ENOX1: variants seen among roughly 807,000 people sequenced by gnomAD.
ENOX1 encodes the protein candidate growth-related and time keeping constitutive hydroquinone (NADH) oxidase.
Under a neutral mutation model 82.5 loss-of-function variants are expected in ENOX1, and 42 were observed. The observed-to-expected ratio is 0.51, with a 90% CI of 0.40 to 0.66. The LOEUF (loss-of-function observed/expected upper bound fraction) is 0.66. Among genes scored for constraint, ENOX1 ranks in the 30% least tolerant of loss-of-function variants. ENOX1 has a pLI of 0.00. For synonymous variants in ENOX1, 271 were observed against 282.2 expected (o/e 0.96, Z 0.40); for missense variants, 608 against 811.6 (o/e 0.75, Z 3.05).
At chr13:43,601,537 G>T (rs1379872796) in intron 2 of ENOX1, among the ~76,000 whole-genome samples, 2 of 151,952 alleles carry the variant, frequency 1.3e-5, no homozygotes, top group Non-Finnish European at 2.9e-5. Flanking sequence ...ATGCCTACAA[G>T]GTCTGGAAAA....
chr13:43,295,945 C>G (rs1208167890), intron 12 of ENOX1, among the ~76,000 whole-genome samples: 1 of 152,116 alleles, frequency 6.6e-6, no homozygotes, highest in Non-Finnish European at 1.5e-5. Context: ...GGACCCAGTG[C>G]TTTCTGTAGG....
chr13:43,451,500 A>G (rs961961203), intron 3 of ENOX1, among the ~76,000 whole-genome samples: 8 of 152,234 alleles, frequency 5.3e-5, no homozygotes, highest in African/African-American at 1.4e-4. Context: ...TGACTTATGG[A>G]AAGAAGAGAA....
intron 3 of ENOX1, among the ~76,000 whole-genome samples, chr13:43,434,937 GTTTTTTTTTTT>G (rs537775258): frequency 2.6e-5 from 2 of 75,910 alleles, no homozygotes; most frequent in Non-Finnish European, 4.9e-5. Context: ...TGTGTGTGTG[GTTTTTTTTTTT>G]TTTTTTTTTT....
Position 43,695,442 on chromosome 13 carries a change from ATTTTTTTTTTT to A in ENOX1, c.-284-27909_-284-27899del, listed in dbSNP as rs146985894. On this transcript the variant is annotated intron_variant, in intron 1 of 16. Transcript: ENST00000690772. ...CTCCTTTTACTTTTAAAAAAATCTA[ATTTTTTTTTTT>A]TTTTTTTTTTTGGAGACAGAGTCTT... Among the ~76,000 whole-genome samples, 8 of 94,666 alleles carry A rather than the reference ATTTTTTTTTTT, an allele frequency of 8.5e-5. No individual in the cohort carries two copies. In the South Asian group the frequency reaches 2.4e-3, roughly 28 times the overall value. The allele number at this position is 94,666 out of a possible 152,430, so 62.1% of individuals were successfully genotyped here. A position where few individuals can be genotyped will look rare whatever the true frequency, so the allele number is the denominator to read the frequency against.
Position 43,504,295 on chromosome 13 carries a change from G to C in ENOX1, c.-218-20143C>G, listed in dbSNP as rs537461747. Among the ~76,000 whole-genome samples the C allele has an allele frequency of 2.0e-5, 3 of 151,736 alleles. No individual in the cohort carries two copies. The South Asian group carries it at 6.2e-4, about 31-fold the overall frequency. On this transcript the variant is annotated intron_variant, in intron 2 of 16. Transcript: ENST00000690772. ...CCTTAAAGAATCAGAACTACCACTG[G>C]ATAGTAGAAATCCCACTTCTGAGTA... is the stretch of plus-strand genomic sequence containing the variant.
chr13:43,534,760 C>T (rs2078378645), intron 2 of ENOX1, among the ~76,000 whole-genome samples: 1 of 152,148 alleles, frequency 6.6e-6, no homozygotes, highest in Non-Finnish European at 1.5e-5. Context: ...TTGGCTATCA[C>T]AATGGGGCTG....
intron 3 of ENOX1, among the ~76,000 whole-genome samples, chr13:43,459,864 C>T (rs965683323): frequency 3.3e-5 from 5 of 151,994 alleles, no homozygotes; most frequent in African/African-American, 4.8e-5. Flanking sequence ...TGTGGTGGCA[C>T]GCGCCTGTAG....
chr13:43,485,252 C>T (rs2076373898), intron 2 of ENOX1, among the ~76,000 whole-genome samples: 1 of 152,128 alleles, frequency 6.6e-6, no homozygotes, highest in African/African-American at 2.4e-5. Flanking sequence ...CTGCAACTTA[C>T]CCACCACCAG....
At chr13:43,344,456 A>AC in intron 9 of ENOX1, 82 bp downstream of exon 9, 1 of 1,121,452 alleles carries the variant, frequency 8.9e-7, no homozygotes, top group Non-Finnish European at 1.3e-6. Flanking sequence ...TGAACTACTT[A>AC]CCCCCAAATG....
At chr13:43,551,700 GATGGCAA>G (rs1438820300) in intron 2 of ENOX1, among the ~76,000 whole-genome samples, 1 of 152,090 alleles carries the variant, frequency 6.6e-6, no homozygotes, top group African/African-American at 2.4e-5. Context: ...ACCCGATCAT[GATGGCAA>G]AATTGCCCAC....
At chr13:43,586,640 T>A (rs768871424) in intron 2 of ENOX1, among the ~76,000 whole-genome samples, 1 of 152,216 alleles carries the variant, frequency 6.6e-6, no homozygotes, top group Non-Finnish European at 1.5e-5. Flanking sequence ...CCTTCTTTCC[T>A]GCCACATTAG....
chr13:43,774,279 T>C (rs1187843441), intron 1 of ENOX1, among the ~76,000 whole-genome samples: 1 of 152,196 alleles, frequency 6.6e-6, no homozygotes, highest in Non-Finnish European at 1.5e-5. Context: ...CAGGAGAAAC[T>C]GTTAGCTACT....
chr13:43,541,173 GTT>G lies in ENOX1; in HGVS notation c.-218-57023_-218-57022del, dbSNP rs553504525. 8.3e-3 allele frequency among the ~76,000 whole-genome samples: 535 copies of G among 64,524 alleles called. 2 individuals are homozygous for G. The highest frequency in any genetic ancestry group is 0.023 in the African/African-American group (468 of 20,076). The allele number at this position is 64,524 out of a possible 152,430, so 42.3% of individuals were successfully genotyped here. On this transcript the variant is annotated intron_variant, in intron 2 of 16. Transcript: ENST00000690772. Reference sequence around the variant, plus strand: ...CTCCAACCTTACACTTCTTCCCTCTGTTTTTTTTTTTTTTTTTTTTTTTTTGC... The same window carrying G: ...CTCCAACCTTACACTTCTTCCCTCTGTTTTTTTTTTTTTTTTTTTTTTTGC...
chr13:43,624,605 C>T (rs969670081), intron 2 of ENOX1, among the ~76,000 whole-genome samples: 5 of 151,708 alleles, frequency 3.3e-5, no homozygotes, highest in African/African-American at 1.2e-4. Context: ...ATTTTTTTGC[C>T]CATGGATATC....
At chr13:43,393,103 A>C (rs2052900753) in intron 5 of ENOX1, among the ~76,000 whole-genome samples, 1 of 152,236 alleles carries the variant, frequency 6.6e-6, no homozygotes, top group Non-Finnish European at 1.5e-5. Flanking sequence ...GAAGATGACC[A>C]ATAATAAGAG....
intron 2 of ENOX1, among the ~76,000 whole-genome samples, chr13:43,539,855 A>G (rs1440670111): frequency 6.6e-6 from 1 of 152,060 alleles, no homozygotes; most frequent in African/African-American, 2.4e-5. Flanking sequence ...AAACTTTGAG[A>G]TTATTTTAAC....
chr13:43,301,981 CTCTT>C (rs939328860), intron 11 of ENOX1, among the ~76,000 whole-genome samples: 22 of 152,040 alleles, frequency 1.4e-4, no homozygotes, highest in African/African-American at 2.7e-4. Flanking sequence ...TCTCTCTCTT[CTCTT>C]TCTTTCTTTC....
intron 8 of ENOX1, among the ~76,000 whole-genome samples, chr13:43,352,660 C>T (rs545411292): frequency 2.6e-5 from 4 of 152,198 alleles, no homozygotes; most frequent in Non-Finnish European, 5.9e-5. Context: ...TCTGTTTAAC[C>T]AGCAGGATGC....
intron 15 of ENOX1, among the ~76,000 whole-genome samples, chr13:43,235,072 T>C (rs750580302): frequency 1.3e-4 from 20 of 152,198 alleles, no homozygotes; most frequent in Non-Finnish European, 2.5e-4. Flanking sequence ...AAATCACACC[T>C]TGGTCACACT....
Sources: allele counts gnomAD v4.1 joint callset (sites outside exome capture counted in the v4.1 genomes callset), GRCh38; gene constraint gnomAD v4.1.1; transcripts MANE v1.5; gene names NCBI Gene and HGNC (gene_info 2026-07-23, HGNC 2026-07-21).